The following CENPP variants were observed in gnomAD, a reference collection of about 807,000 sequenced individuals.
CENPP encodes centromere protein P.
CENPP carries 24 observed loss-of-function variants against 35.6 expected under a neutral mutation model. That is an observed-to-expected ratio of 0.67 (90% confidence interval 0.49 to 0.95). CENPP has a LOEUF of 0.95. Among genes scored for constraint, CENPP ranks in the 40% least tolerant of loss-of-function variants. CENPP has a pLI of 0.00. For synonymous variants in CENPP, 120 were observed against 125.5 expected, an observed-to-expected ratio of 0.96 and a Z score of 0.29; for missense variants, 332 against 345.3, an observed-to-expected ratio of 0.96 and a Z score of 0.31.
In CENPP at chr9:92,326,230, GA is replaced by G. The variant is rs1840493619; in HGVS notation, c.107+126del. On this transcript the variant is annotated intron_variant, in intron 1 of 7. Transcript: ENST00000375587. ...TAGAAAGTGGGCATGAACTGGCATTGATCCTGTCATGACGATGGCCTAGAGT... is the reference window on the plus strand; with the variant it reads ...TAGAAAGTGGGCATGAACTGGCATTGTCCTGTCATGACGATGGCCTAGAGT... The G allele has an allele frequency of 4.5e-6, 3 of 661,884 alleles. No homozygotes were observed. The Admixed American group carries it at 9.0e-5, about 20-fold the overall frequency. The allele number at this position is 661,884 out of a possible 1,614,324, so 41.0% of individuals were successfully genotyped here.
At chr9:92,477,866 A>C (rs1397594566) in intron 5 of CENPP, among the ~76,000 whole-genome samples, 7 of 152,220 alleles carry the variant, frequency 4.6e-5, no homozygotes, top group African/African-American at 1.7e-4. Context: ...TAGACAATGT[A>C]AACTGTATAT....
chr9:92,454,334 A>G (rs1420362949), intron 5 of CENPP, among the ~76,000 whole-genome samples: 1 of 152,180 alleles, frequency 6.6e-6, no homozygotes, highest in Admixed American at 6.5e-5. Context: ...TCTTTTTGTA[A>G]AAAGATTAAC....
At chr9:92,572,959 C>T (rs1389871629) in intron 5 of CENPP, among the ~76,000 whole-genome samples, 3 of 152,132 alleles carry the variant, frequency 2.0e-5, no homozygotes, top group Admixed American at 1.3e-4. Context: ...TTAAGGTCTT[C>T]TCTATGCTGT....
At chr9:92,538,613 T>C (rs906530762) in intron 5 of CENPP, among the ~76,000 whole-genome samples, 3 of 152,220 alleles carry the variant, frequency 2.0e-5, no homozygotes, top group Admixed American at 6.5e-5. Context: ...AGGTTCCTGC[T>C]CTAAAATTTT....
At chr9:92,531,103 C>T (rs1189102407) in intron 5 of CENPP, among the ~76,000 whole-genome samples, 3 of 152,010 alleles carry the variant, frequency 2.0e-5, no homozygotes, top group East Asian at 1.9e-4. Flanking sequence ...TTAATTGGAA[C>T]ATTTAGGCTG....
intron 5 of CENPP, among the ~76,000 whole-genome samples, chr9:92,426,628 C>T (rs766651843): frequency 3.3e-5 from 5 of 151,988 alleles, no homozygotes; most frequent in South Asian, 2.1e-4. Flanking sequence ...GTTCAGGCAC[C>T]GCTGTATGTG....
chr9:92,484,074 G>C (rs1025788940), intron 5 of CENPP, among the ~76,000 whole-genome samples: 5 of 152,200 alleles, frequency 3.3e-5, no homozygotes, highest in Admixed American at 3.3e-4. Flanking sequence ...TCTAGTGTTT[G>C]CCTAAATTCC....
chr9:92,385,579 A>C lies in CENPP; in HGVS notation c.564+5720A>C, dbSNP rs1842384465. The C allele has an allele frequency of 1.9e-6, 3 of 1,540,560 alleles. No homozygotes were observed. The South Asian group carries it at 3.4e-5, about 17-fold the overall frequency. On this transcript the variant is annotated intron_variant, in intron 5 of 7. Transcript: ENST00000375587. ...TTACTCATTGTTGAGACAGACTATT[A>C]GTGTAGGTGTACTTTCATTTATATG...
chr9:92,403,111 G>A (rs371195843), intron 5 of CENPP: 26 of 606,080 alleles, frequency 4.3e-5, no homozygotes, highest in Middle Eastern at 4.5e-4. Context: ...TTATGAATTC[G>A]TTTGAATCAT....
intron 5 of CENPP, among the ~76,000 whole-genome samples, chr9:92,490,718 G>A (rs2131120246): frequency 6.6e-6 from 1 of 152,298 alleles, no homozygotes; most frequent in South Asian, 2.1e-4. Flanking sequence ...ATTATGCAGA[G>A]CAATCAGATT....
At chr9:92,608,333 C>T (rs1851138502) in intron 5 of CENPP, among the ~76,000 whole-genome samples, 1 of 152,154 alleles carries the variant, frequency 6.6e-6, no homozygotes, top group African/African-American at 2.4e-5. Context: ...TTTCAATTCA[C>T]TTTTTTTGTG....
intron 5 of CENPP, among the ~76,000 whole-genome samples, chr9:92,442,424 C>CA (rs146138029): frequency 0.34 from 46,239 of 135,314 alleles, 9,328 homozygotes; most frequent in Non-Finnish European, 0.48. Context: ...AAAGAAAAAA[C>CA]AAAAAAAAAC....
rs143441701 is a variant in CENPP at position 92,455,279 on chromosome 9, A to G, written c.564+75420A>G. ...GTGGTATGCACCTGTAGTCCCAGCT[A>G]CTTGGAAGCCTGAAGCAGGAGGATT... is the stretch of plus-strand genomic sequence containing the variant. On this transcript the variant is annotated intron_variant, in intron 5 of 7. Coordinates refer to ENST00000375587, the MANE Select transcript of CENPP (RefSeq NM_001012267.3). 6.8e-3 allele frequency among the ~76,000 whole-genome samples: 1,037 copies of G among 152,316 alleles called. 7 individuals carry two copies. Among genetic ancestry groups the G allele is most frequent in the Non-Finnish European group, 0.011 (761 of 68,028 alleles).
intron 5 of CENPP, among the ~76,000 whole-genome samples, chr9:92,502,307 C>G (rs1438784485): frequency 4.6e-5 from 7 of 152,156 alleles, no homozygotes; most frequent in African/African-American, 9.7e-5. Context: ...AATCCTAACA[C>G]CAGTCATGCA....
intron 4 of CENPP, among the ~76,000 whole-genome samples, chr9:92,357,202 G>T (rs796313298): frequency 1.2e-3 from 174 of 149,098 alleles, no homozygotes; most frequent in Non-Finnish European, 1.8e-3. Flanking sequence ...CTTTTTTTTT[G>T]TTTTTTTAAA....
At chr9:92,390,003 C>CATCTTCTAT (rs1364864988) in intron 5 of CENPP, 1 of 1,609,218 alleles carries the variant, frequency 6.2e-7, no homozygotes, top group African/African-American at 1.3e-5. Context: ...GAAAAAGTAC[C>CATCTTCTAT]ATCTTCTATA....
At chr9:92,351,876 C>T (rs12156462) in intron 4 of CENPP, among the ~76,000 whole-genome samples, 1 of 151,922 alleles carries the variant, frequency 6.6e-6, no homozygotes, top group African/African-American at 2.4e-5. Flanking sequence ...CTAGCCATCT[C>T]GGCCTCCCAA....
intron 3 of CENPP, among the ~76,000 whole-genome samples, chr9:92,344,840 G>T (rs945594285): frequency 2.0e-5 from 3 of 149,252 alleles, no homozygotes; most frequent in Admixed American, 6.7e-5. Context: ...GAGCCACCGC[G>T]CCCGGCCAGT....
chr9:92,382,378 C>T (rs979460048), intron 5 of CENPP, among the ~76,000 whole-genome samples: 5 of 151,954 alleles, frequency 3.3e-5, no homozygotes, highest in South Asian at 2.1e-4. Flanking sequence ...TGTTGGGAAC[C>T]GTCAGTATCT....
Sources: gnomAD v4.1 joint callset for allele counts (sites outside exome capture counted in the v4.1 genomes callset) on GRCh38, gnomAD v4.1.1 for gene constraint, MANE v1.5 for transcripts, NCBI Gene and HGNC (gene_info 2026-07-23, HGNC 2026-07-21) for gene names.